VAT1L: variants seen among roughly 807,000 people sequenced by gnomAD.
The protein encoded by VAT1L is putative NADPH-dependent quinone oxidoreductase VAT1L.
A neutral mutation model predicts 44.1 loss-of-function variants in VAT1L; 34 were observed. The ratio of observed to expected loss-of-function variants is 0.77; its 90% CI spans 0.59 to 1.03. The LOEUF (loss-of-function observed/expected upper bound fraction) is 1.03. Ranked by LOEUF, VAT1L falls within the 50% of genes least tolerant of loss-of-function variation. VAT1L has a pLI of 0.00. For synonymous variants in VAT1L, 253 were observed against 202.2 expected (o/e 1.25, Z -2.13); for missense variants, 615 against 538.8 (o/e 1.14, Z -1.40).
At chr16:77,872,663 C>T (rs1243830994) in intron 4 of VAT1L, among the ~76,000 whole-genome samples, 1 of 152,144 alleles carries the variant, frequency 6.6e-6, no homozygotes, top group Non-Finnish European at 1.5e-5. Flanking sequence ...ACATCCTGTT[C>T]CCTCTGGTTC....
chr16:77,956,534 C>T (rs1325127922), intron 7 of VAT1L, among the ~76,000 whole-genome samples: 1 of 152,202 alleles, frequency 6.6e-6, no homozygotes, highest in Non-Finnish European at 1.5e-5. Context: ...ATAGATTTAC[C>T]ACCTCTGCCT....
At chr16:77,802,529 G>T (rs2914448) in intron 1 of VAT1L, among the ~76,000 whole-genome samples, 29,990 of 151,590 alleles carry the variant, frequency 0.2, 3,524 homozygotes, top group South Asian at 0.42. Flanking sequence ...GCAGGGAATT[G>T]CTTGAACCCA....
chr16:77,844,092 C>T (rs1348478243), intron 3 of VAT1L, among the ~76,000 whole-genome samples: 5 of 152,072 alleles, frequency 3.3e-5, no homozygotes, highest in South Asian at 4.1e-4. Context: ...CAAATATATA[C>T]ACACACACAC....
At chr16:77,906,335 A>G (rs1394051785) in intron 7 of VAT1L, among the ~76,000 whole-genome samples, 1 of 152,212 alleles carries the variant, frequency 6.6e-6, no homozygotes, top group Non-Finnish European at 1.5e-5. Flanking sequence ...AAAACCAGGC[A>G]AAGCTTCAAA....
intron 7 of VAT1L, among the ~76,000 whole-genome samples, chr16:77,916,235 G>A (rs1024594489): frequency 2.0e-5 from 3 of 152,140 alleles, no homozygotes; most frequent in African/African-American, 7.2e-5. Context: ...CAACAGTGGG[G>A]ACTCACTGTG....
intron 7 of VAT1L, among the ~76,000 whole-genome samples, chr16:77,923,202 G>T (rs116097738): frequency 6.6e-6 from 1 of 152,324 alleles, no homozygotes; most frequent in African/African-American, 2.4e-5. Flanking sequence ...TGTAATTGCA[G>T]CATATTGAGA....
chr16:77,927,263 G>C (rs2017679920), intron 7 of VAT1L, among the ~76,000 whole-genome samples: 1 of 151,312 alleles, frequency 6.6e-6, no homozygotes, highest in South Asian at 2.1e-4. Flanking sequence ...GCGTGAACCT[G>C]GGAGGCAGAG....
chr16:77,854,087 C>G (rs901910567), intron 3 of VAT1L, among the ~76,000 whole-genome samples: 1 of 151,844 alleles, frequency 6.6e-6, no homozygotes, highest in Non-Finnish European at 1.5e-5. Flanking sequence ...AAGATCGCAC[C>G]ACTGCACTCC....
Position 77,978,635 on chromosome 16 carries a change from A to G in VAT1L, c.*940A>G, listed in dbSNP as rs897784764. On this transcript the variant is annotated 3_prime_UTR_variant, in exon 9 of 9. Coordinates refer to ENST00000302536, the MANE Select transcript of VAT1L (RefSeq NM_020927.3). ...TTGCAGACCATAGGTGGAAAAGTCA[A>G]TGAGCATCTCCTTCCTTGCCAAAGC... 6.6e-6 allele frequency: 1 copy of G among 152,228 alleles called. No homozygotes were observed. Among genetic ancestry groups the G allele is most frequent in the African/African-American group, 2.4e-5 (1 of 41,456 alleles). The allele number at this position is 152,228 out of a possible 1,614,324, so 9.4% of individuals were successfully genotyped here.
At chr16:77,872,759 C>T (rs554742535) in intron 4 of VAT1L, among the ~76,000 whole-genome samples, 1 of 152,212 alleles carries the variant, frequency 6.6e-6, no homozygotes, top group East Asian at 1.9e-4. Context: ...GTGTTTGGTT[C>T]ATTTATAGAT....
chr16:77,815,968 C>A (rs1236312257), intron 1 of VAT1L, among the ~76,000 whole-genome samples: 253 of 32,722 alleles, frequency 7.7e-3, no homozygotes, highest in Middle Eastern at 0.028. Context: ...AACTCTGTCT[C>A]AAAAAAAAAA....
intron 4 of VAT1L, among the ~76,000 whole-genome samples, chr16:77,867,772 T>C (rs1215903475): frequency 6.6e-6 from 1 of 151,738 alleles, no homozygotes; most frequent in East Asian, 1.9e-4. Context: ...GACAGGAGAA[T>C]TGCTTGAACC....
At chr16:77,976,705 A>G (rs1439912495) in intron 8 of VAT1L, among the ~76,000 whole-genome samples, 1 of 152,192 alleles carries the variant, frequency 6.6e-6, no homozygotes, top group Non-Finnish European at 1.5e-5. Context: ...GACTCTTTAG[A>G]TACATTACTC....
intron 7 of VAT1L, among the ~76,000 whole-genome samples, chr16:77,970,313 AT>A (rs2142543613): frequency 6.6e-6 from 1 of 152,320 alleles, no homozygotes; most frequent in South Asian, 2.1e-4. Context: ...TTAAATACTG[AT>A]TTGATAATAT....
intron 4 of VAT1L, among the ~76,000 whole-genome samples, chr16:77,864,955 ATTC>A (rs1452439380): frequency 6.8e-6 from 1 of 146,942 alleles, no homozygotes; most frequent in Non-Finnish European, 1.5e-5. Flanking sequence ...CTCTCAGGTA[ATTC>A]TTCTTATCCT....
chr16:77,900,997 G>A (rs1395120623), intron 7 of VAT1L, among the ~76,000 whole-genome samples: 1 of 152,008 alleles, frequency 6.6e-6, no homozygotes, highest in Non-Finnish European at 1.5e-5. Flanking sequence ...CAGAGCAAGG[G>A]CGAGGAAGTT....
intron 7 of VAT1L, among the ~76,000 whole-genome samples, chr16:77,970,526 G>C (rs534686966): frequency 6.6e-6 from 1 of 152,288 alleles, no homozygotes; most frequent in Admixed American, 6.5e-5. Context: ...GTAATTAGCT[G>C]TATATATCTT....
intron 3 of VAT1L, among the ~76,000 whole-genome samples, chr16:77,842,998 T>C (rs2016721815): frequency 6.6e-6 from 1 of 152,242 alleles, no homozygotes; most frequent in African/African-American, 2.4e-5. Context: ...CAACTCATTT[T>C]GAGATTTAAG....
At chr16:77,971,775 A>C (rs551071161) in intron 7 of VAT1L, 75 bp from the exon 8 acceptor site, 89 of 1,482,398 alleles carry the variant, frequency 6.0e-5, no homozygotes, top group African/African-American at 4.6e-4. Context: ...TGACAGTTTG[A>C]GTTCTCCAGG....
Sources: gnomAD v4.1 joint callset for allele counts (sites outside exome capture counted in the v4.1 genomes callset) on GRCh38, gnomAD v4.1.1 for gene constraint, MANE v1.5 for transcripts, NCBI Gene and HGNC (gene_info 2026-07-23, HGNC 2026-07-21) for gene names.